MACROD2: variants seen among roughly 807,000 people sequenced by gnomAD.
The protein encoded by MACROD2 is mono-ADP ribosylhydrolase 2.
Under a neutral mutation model 70.4 loss-of-function variants are expected in MACROD2, and 36 were observed. The observed-to-expected ratio is 0.51, with a 90% CI of 0.39 to 0.68. The LOEUF (loss-of-function observed/expected upper bound fraction) is 0.68. Among genes scored for constraint, MACROD2 ranks in the 30% least tolerant of loss-of-function variants. MACROD2 has a pLI of 0.00. For synonymous variants in MACROD2, 172 were observed against 178.8 expected (o/e 0.96, Z 0.30); for missense variants, 496 against 538.4 (o/e 0.92, Z 0.78).
At chr20:14,275,324 T>C (rs1379887795) in intron 3 of MACROD2, among the ~76,000 whole-genome samples, 2 of 151,988 alleles carry the variant, frequency 1.3e-5, no homozygotes, top group African/African-American at 4.8e-5. Flanking sequence ...AGAAATAACG[T>C]CGCATATCTG....
At chr20:14,340,531 T>G (rs913512322) in intron 3 of MACROD2, among the ~76,000 whole-genome samples, 10 of 145,202 alleles carry the variant, frequency 6.9e-5, no homozygotes, top group Admixed American at 6.3e-4. Context: ...TGAAGTAATT[T>G]TACAGTCAGT....
At chr20:14,789,060 C>T (rs1470783300) in intron 5 of MACROD2, among the ~76,000 whole-genome samples, 2 of 151,858 alleles carry the variant, frequency 1.3e-5, no homozygotes, top group South Asian at 2.1e-4. Context: ...TGAGCCACCA[C>T]GCCTGGTCCC....
intron 5 of MACROD2, among the ~76,000 whole-genome samples, chr20:14,814,224 G>A (rs574829820): frequency 3.1e-4 from 47 of 152,072 alleles, no homozygotes; most frequent in African/African-American, 8.7e-4. Flanking sequence ...CTTTTTCACC[G>A]TATAATCTGA....
At chr20:15,060,818 A>T (rs975760447) in intron 5 of MACROD2, among the ~76,000 whole-genome samples, 1 of 152,228 alleles carries the variant, frequency 6.6e-6, no homozygotes, top group African/African-American at 2.4e-5. Context: ...ATTTGGATGT[A>T]ACAGCCAAAT....
At chr20:15,286,483 G>C (rs571164877) in intron 6 of MACROD2, among the ~76,000 whole-genome samples, 25 of 146,700 alleles carry the variant, frequency 1.7e-4, no homozygotes, top group African/African-American at 6.0e-4. Context: ...CAAAGACAGA[G>C]AGCCTGCCCT....
At chr20:14,127,052 G>T (rs2054660735) in intron 3 of MACROD2, among the ~76,000 whole-genome samples, 1 of 152,122 alleles carries the variant, frequency 6.6e-6, no homozygotes, top group Non-Finnish European at 1.5e-5. Context: ...ATGTCAAAAG[G>T]CAAGAGGCCA....
chr20:14,845,309 T>G (rs2073128586), intron 5 of MACROD2, among the ~76,000 whole-genome samples: 1 of 152,140 alleles, frequency 6.6e-6, no homozygotes, highest in Non-Finnish European at 1.5e-5. Flanking sequence ...CACAGTTGTA[T>G]TTCTAGAGAG....
intron 6 of MACROD2, among the ~76,000 whole-genome samples, chr20:15,386,561 G>A (rs1381559983): frequency 6.6e-6 from 1 of 152,180 alleles, no homozygotes; most frequent in African/African-American, 2.4e-5. Context: ...GTCAGTGAGC[G>A]ATGCTGAATT....
chr20:14,358,055 G>A (rs1169442000), intron 3 of MACROD2, among the ~76,000 whole-genome samples: 2 of 152,148 alleles, frequency 1.3e-5, no homozygotes, highest in Non-Finnish European at 2.9e-5. Flanking sequence ...CCCATCAAAT[G>A]GGAAAATTGT....
intron 8 of MACROD2, among the ~76,000 whole-genome samples, chr20:15,602,294 G>A (rs1415417333): frequency 6.6e-6 from 1 of 152,198 alleles, no homozygotes; most frequent in Admixed American, 6.5e-5. Context: ...TGGCCCGCTA[G>A]TTTCAACTCA....
chr20:15,074,097 A>C (rs1355848887), intron 5 of MACROD2, among the ~76,000 whole-genome samples: 3 of 152,152 alleles, frequency 2.0e-5, no homozygotes, highest in South Asian at 4.1e-4. Flanking sequence ...TGTGAAATAC[A>C]TATTTGGTCT....
chr20:14,600,771 A>C (rs1982446553), intron 4 of MACROD2, among the ~76,000 whole-genome samples: 1 of 152,148 alleles, frequency 6.6e-6, no homozygotes, highest in Non-Finnish European at 1.5e-5. Flanking sequence ...TTATTTTGTC[A>C]TTGCATTTGT....
intron 10 of MACROD2, among the ~76,000 whole-genome samples, chr20:15,914,058 A>AT (rs2065275388): frequency 6.6e-6 from 1 of 152,252 alleles, no homozygotes; most frequent in East Asian, 1.9e-4. Context: ...AGGGACTACC[A>AT]GAGTAGTGGA....
intron 5 of MACROD2, among the ~76,000 whole-genome samples, chr20:15,098,254 T>A (rs536231660): frequency 2.0e-5 from 3 of 152,286 alleles, no homozygotes; most frequent in East Asian, 3.9e-4. Context: ...CACATTTTCA[T>A]TTCATAGCAG....
intron 4 of MACROD2, among the ~76,000 whole-genome samples, chr20:14,505,038 A>G (rs553590121): frequency 1.3e-5 from 2 of 152,322 alleles, no homozygotes; most frequent in South Asian, 4.1e-4. Flanking sequence ...AAATGTATTC[A>G]TGTAGATATA....
At chr20:15,267,386 A>C (rs1568680192) in intron 6 of MACROD2, among the ~76,000 whole-genome samples, 1 of 152,114 alleles carries the variant, frequency 6.6e-6, no homozygotes, top group Non-Finnish European at 1.5e-5. Flanking sequence ...CAGACTGCTC[A>C]ATTTCTGGAG....
chr20:14,273,598 A>T (rs1652387376), intron 3 of MACROD2, among the ~76,000 whole-genome samples: 1 of 147,210 alleles, frequency 6.8e-6, no homozygotes, highest in African/African-American at 2.5e-5. Flanking sequence ...GAAAAGCAAG[A>T]GCAAACACAT....
Position 15,600,351 on chromosome 20 carries a change from T to C in MACROD2, c.645+100504T>C, listed in dbSNP as rs556357109. On this transcript the variant is annotated intron_variant, in intron 8 of 17. Transcript: ENST00000684519. Reference sequence around the variant, plus strand: ...TCATTTTTGCTGTTGTTTTTGTTGTTCCGGCTAACAAGACTTAAGAAAAGC... The same window carrying C: ...TCATTTTTGCTGTTGTTTTTGTTGTCCCGGCTAACAAGACTTAAGAAAAGC... Among the ~76,000 whole-genome samples, 194 of 152,328 alleles carry C rather than the reference T, an allele frequency of 1.3e-3. 2 individuals are homozygous for C. The highest frequency in any genetic ancestry group is 3.4e-3 in the Middle Eastern group (1 of 294).
At chr20:14,471,202 C>T (rs2084526568) in intron 3 of MACROD2, among the ~76,000 whole-genome samples, 1 of 152,160 alleles carries the variant, frequency 6.6e-6, no homozygotes, top group South Asian at 2.1e-4. Flanking sequence ...TTGGGCTTCC[C>T]GGATGAGGCA....
Sources: gnomAD v4.1 joint callset for allele counts (sites outside exome capture counted in the v4.1 genomes callset) on GRCh38, gnomAD v4.1.1 for gene constraint, MANE v1.5 for transcripts, NCBI Gene and HGNC (gene_info 2026-07-23, HGNC 2026-07-21) for gene names.